The following ATXN10 variants were observed in gnomAD, a reference collection of about 807,000 sequenced individuals.
ATXN10 encodes ataxin-10.
Under a neutral mutation model 52.9 loss-of-function variants are expected in ATXN10, and 28 were observed. The observed-to-expected ratio is 0.53, with a 90% CI of 0.39 to 0.73. The LOEUF (loss-of-function observed/expected upper bound fraction) is 0.73, where lower values mean the gene tolerates loss of function less well. Ranked by LOEUF, ATXN10 falls within the 30% of genes least tolerant of loss-of-function variation. ATXN10 has a pLI of 0.00. For missense variants in ATXN10, 565 were observed against 577.0 expected, an observed-to-expected ratio of 0.98 and a Z score of 0.21; for synonymous variants, 226 against 221.5, an observed-to-expected ratio of 1.02 and a Z score of -0.18.
At chr22:45,776,556 C>G (rs1926963811) in intron 9 of ATXN10, among the ~76,000 whole-genome samples, 1 of 150,612 alleles carries the variant, frequency 6.6e-6, no homozygotes, top group Non-Finnish European at 1.5e-5. Context: ...GGCAATTAAA[C>G]TGATATGGAA....
intron 3 of ATXN10, among the ~76,000 whole-genome samples, chr22:45,694,940 CAAAAAAA>C (rs748780048): frequency 1.8e-4 from 4 of 21,914 alleles, no homozygotes; most frequent in East Asian, 2.4e-3. Flanking sequence ...GACTCTGTCT[CAAAAAAA>C]AAAAAAAAAA....
In ATXN10 at chr22:45,769,984, G is replaced by T. The variant is rs988305163; in HGVS notation, c.1173+29446G>T. Reference sequence around the variant, plus strand: ...TTCTAAATAAAGGTTCTCAGATGCAGTTTCACAGAGCAGGCTGTGGCCCAG... The same window carrying T: ...TTCTAAATAAAGGTTCTCAGATGCATTTTCACAGAGCAGGCTGTGGCCCAG... On this transcript the variant is annotated intron_variant, in intron 9 of 11. Transcript: ENST00000252934. This position sits in a 1 kb window ranked among gnomAD's most constrained non-coding sequence, Gnocchi z 4.2. Among the ~76,000 whole-genome samples, 2 of 152,274 alleles carry T rather than the reference G, an allele frequency of 1.3e-5. No individual in the cohort carries two copies. The highest frequency in any genetic ancestry group is 2.9e-5 in the Non-Finnish European group (2 of 68,050).
intron 1 of ATXN10, 138 bp from the exon 2 acceptor site, chr22:45,689,574 G>C: frequency 1.4e-6 from 1 of 698,096 alleles, no homozygotes. Context: ...CTTTTATTTG[G>C]TGTTGTAAAT....
chr22:45,793,580 T>C, intron 9 of ATXN10: 2 of 1,303,420 alleles, frequency 1.5e-6, no homozygotes, highest in Non-Finnish European at 2.0e-6. Flanking sequence ...ACTAGAATTC[T>C]GGAGCCTGCA....
In ATXN10 at chr22:45,715,377, T is replaced by C. The variant is rs1042039015; in HGVS notation, c.648-3036T>C. 7.2e-5 allele frequency among the ~76,000 whole-genome samples: 11 copies of C among 152,196 alleles called. No homozygotes were observed. The highest frequency in any genetic ancestry group is 5.2e-4 in the Admixed American group (8 of 15,280). On this transcript the variant is annotated intron_variant, in intron 5 of 11. Transcript: ENST00000252934. This position sits in a 1 kb window ranked among gnomAD's most constrained non-coding sequence, Gnocchi z 4.4. ...CATGGGCAGGACTCATAGACAAATA[T>C]CAGTATAGACTGATGTTTTATACAT... is the stretch of plus-strand genomic sequence containing the variant.
At position 45,690,244 on chromosome 22, in the gene ATXN10, G is replaced by A. The variant is rs550543570; in HGVS notation, c.308+341G>A. Among the ~76,000 whole-genome samples, 1 of 151,294 alleles carries A rather than the reference G, an allele frequency of 6.6e-6. No individual in the cohort carries two copies. Among genetic ancestry groups the A allele is most frequent in the Admixed American group, 6.6e-5 (1 of 15,174 alleles). On this transcript the variant is annotated intron_variant, in intron 2 of 11. Coordinates refer to ENST00000252934, the MANE Select transcript of ATXN10 (RefSeq NM_013236.4). This position sits in a 1 kb window ranked among gnomAD's most constrained non-coding sequence, Gnocchi z 4.5. Reference sequence around the variant, plus strand: ...AGTAATCTGAGATGATGCCATTGCTGCAGGCTGGGCCACATTGTGAGACCC... The same window carrying A: ...AGTAATCTGAGATGATGCCATTGCTACAGGCTGGGCCACATTGTGAGACCC...
Position 45,706,381 on chromosome 22 carries a change from G to C in ATXN10, c.647+3534G>C, listed in dbSNP as rs538089981. Among the ~76,000 whole-genome samples, 12 of 152,204 alleles carry C rather than the reference G, an allele frequency of 7.9e-5. No homozygotes were observed. In the South Asian group the frequency reaches 2.3e-3, roughly 29 times the overall value. On this transcript the variant is annotated intron_variant, in intron 5 of 11. Transcript: ENST00000252934. ...TTTGGTTTTGTTGATTTTCTTTACAGTTATTCTCTATTTCATTTCTTTTTG... is the reference window on the plus strand; with the variant it reads ...TTTGGTTTTGTTGATTTTCTTTACACTTATTCTCTATTTCATTTCTTTTTG...
At chr22:45,674,999 C>G (rs554290359) in intron 1 of ATXN10, 2 of 152,196 alleles carry the variant, frequency 1.3e-5, no homozygotes, top group Admixed American at 6.5e-5. Flanking sequence ...CTTCTTGTTT[C>G]TTTCCTTGAA....
At chr22:45,742,115 A>G (rs985014648) in intron 9 of ATXN10, among the ~76,000 whole-genome samples, 1 of 152,104 alleles carries the variant, frequency 6.6e-6, no homozygotes, top group African/African-American at 2.4e-5. Context: ...TTGTATTGAG[A>G]TTTGAGCTCC....
rs1569041086 is a variant in ATXN10 at position 45,733,017 on chromosome 22, G to A, written c.894+3427G>A. 6.6e-6 allele frequency among the ~76,000 whole-genome samples: 1 copy of A among 152,074 alleles called. No individual in the cohort carries two copies. The highest frequency in any genetic ancestry group is 1.5e-5 in the Non-Finnish European group (1 of 68,018). ...CGTTTCTTTATAAAAATAGTTTTGG[G>A]TTCTCATGTTAATGTACTTATTCCT... On this transcript the variant is annotated intron_variant, in intron 7 of 11. Transcript: ENST00000252934. The surrounding 1 kb of genome is among the most constrained non-coding windows in gnomAD (Gnocchi z 4.4).
rs1927154111 is a variant in ATXN10, at chr22:45,781,673, A to G, written c.1174-25286A>G. On this transcript the variant is annotated intron_variant, in intron 9 of 11. Coordinates refer to ENST00000252934, the MANE Select transcript of ATXN10 (RefSeq NM_013236.4). This position sits in a 1 kb window ranked among gnomAD's most constrained non-coding sequence, Gnocchi z 4.2. Reference sequence around the variant, plus strand: ...ATGACATGGATGTTGGAATAATCTGATGAGGATTTCAAAGCATCCATCATA... The same window carrying G: ...ATGACATGGATGTTGGAATAATCTGGTGAGGATTTCAAAGCATCCATCATA... Among the ~76,000 whole-genome samples the G allele has an allele frequency of 6.6e-6, 1 of 152,252 alleles. No individual in the cohort carries two copies. The highest frequency in any genetic ancestry group is 1.5e-5 in the Non-Finnish European group (1 of 68,030).
At chr22:45,742,675 G>C (rs1448935411) in intron 9 of ATXN10, among the ~76,000 whole-genome samples, 1 of 152,176 alleles carries the variant, frequency 6.6e-6, no homozygotes, top group East Asian at 1.9e-4. Context: ...GGCCGCTTTA[G>C]GATGCTAAAT....
chr22:45,751,756 A>AT (rs1925971259), intron 9 of ATXN10, among the ~76,000 whole-genome samples: 1 of 54,366 alleles, frequency 1.8e-5, no homozygotes, highest in Non-Finnish European at 4.1e-5. Context: ...AAAAAAAAAT[A>AT]AAAAAAAAAT....
At position 45,774,230 on chromosome 22, in the gene ATXN10, G is replaced by C. The variant is rs143713870; in HGVS notation, c.1174-32729G>C. The stretch of plus-strand genomic sequence containing the variant: ...CTCCTACTTGGCATTTCTGCTGGGG[G>C]AGTTTTTGGCCTCCATAACTCTGTG... On this transcript the variant is annotated intron_variant, in intron 9 of 11. Transcript: ENST00000252934. The surrounding 1 kb of genome is among the most constrained non-coding windows in gnomAD (Gnocchi z 6.2). Among the ~76,000 whole-genome samples, 241 of 152,344 alleles carry C rather than the reference G, an allele frequency of 1.6e-3. 3 individuals are homozygous for C. The South Asian group carries it at 0.023, about 15-fold the overall frequency.
intron 10 of ATXN10, among the ~76,000 whole-genome samples, chr22:45,821,735 A>C (rs1411511422): frequency 6.6e-6 from 1 of 152,198 alleles, no homozygotes; most frequent in Non-Finnish European, 1.5e-5. Context: ...TACCTGATGC[A>C]ACCTGTGAAC....
At chr22:45,838,354 G>A (rs1216233366) in intron 10 of ATXN10, among the ~76,000 whole-genome samples, 1 of 152,144 alleles carries the variant, frequency 6.6e-6, no homozygotes, top group Non-Finnish European at 1.5e-5. Context: ...TTGGTGGCCT[G>A]GGTCAAGACC....
chr22:45,758,482 A>G (rs1193956930), intron 9 of ATXN10, among the ~76,000 whole-genome samples: 1 of 152,232 alleles, frequency 6.6e-6, no homozygotes, highest in African/African-American at 2.4e-5. Context: ...GATTCAAATT[A>G]TTGGTCATCA....
At chr22:45,707,150 T>A (rs1020033469) in intron 5 of ATXN10, among the ~76,000 whole-genome samples, 7 of 152,156 alleles carry the variant, frequency 4.6e-5, no homozygotes, top group Non-Finnish European at 7.4e-5. Flanking sequence ...TCCTGTTTTT[T>A]AAAAAATCTA....
intron 1 of ATXN10, among the ~76,000 whole-genome samples, chr22:45,686,816 C>G (rs928655242): frequency 3.3e-5 from 2 of 61,502 alleles, no homozygotes; most frequent in African/African-American, 2.4e-4. Context: ...AAGACTCCAT[C>G]TCAAAAAAAA....
Sources: allele counts gnomAD v4.1 joint callset (sites outside exome capture counted in the v4.1 genomes callset), GRCh38; gene constraint gnomAD v4.1.1; non-coding constraint Gnocchi (gnomAD v3.1); transcripts MANE v1.5; gene names NCBI Gene and HGNC (gene_info 2026-07-23, HGNC 2026-07-21).